Variants in CDH12 observed in about 807,000 individuals in gnomAD.
CDH12 encodes the protein cadherin 12, also known as cadherin-12.
In CDH12, 41 loss-of-function variants were observed where a neutral mutation model predicts 74.1. That is an observed-to-expected ratio of 0.55 (90% CI 0.43 to 0.72). CDH12 has a LOEUF of 0.72. Ranked by LOEUF, CDH12 falls within the 30% of genes least tolerant of loss-of-function variation. CDH12 has a pLI of 0.00. For synonymous variants in CDH12, 399 were observed against 355.0 expected, an observed-to-expected ratio of 1.12 and a Z score of -1.39; for missense variants, 945 against 977.2, an observed-to-expected ratio of 0.97 and a Z score of 0.44.
At chr5:22,373,050 G>A (rs1442695218) in intron 3 of CDH12, among the ~76,000 whole-genome samples, 1 of 152,024 alleles carries the variant, frequency 6.6e-6, no homozygotes, top group Non-Finnish European at 1.5e-5. Context: ...GAGGCCTGGG[G>A]AATACTCTGC....
intron 1 of CDH12, among the ~76,000 whole-genome samples, chr5:22,664,126 T>G (rs1740487832): frequency 6.6e-6 from 1 of 152,230 alleles, no homozygotes; most frequent in Non-Finnish European, 1.5e-5. Context: ...TCTTTTGTTT[T>G]GAATTCACAT....
chr5:22,338,949 G>A (rs776898469), intron 3 of CDH12, among the ~76,000 whole-genome samples: 1 of 152,044 alleles, frequency 6.6e-6, no homozygotes, highest in Non-Finnish European at 1.5e-5. Context: ...AAAGAACAGA[G>A]GCTTCAGTCC....
At chr5:22,199,038 T>C (rs1262950358) in intron 4 of CDH12, among the ~76,000 whole-genome samples, 1 of 152,102 alleles carries the variant, frequency 6.6e-6, no homozygotes, top group Non-Finnish European at 1.5e-5. Context: ...GAGAGGCACA[T>C]GAACTTGAAT....
At chr5:21,846,859 T>C (rs148835401) in intron 7 of CDH12, among the ~76,000 whole-genome samples, 1 of 152,284 alleles carries the variant, frequency 6.6e-6, no homozygotes, top group African/African-American at 2.4e-5. Flanking sequence ...AAAATGGTTT[T>C]TTGTAGACAG....
chr5:22,477,958 C>T (rs532348841), intron 2 of CDH12, among the ~76,000 whole-genome samples: 2 of 152,218 alleles, frequency 1.3e-5, no homozygotes, highest in African/African-American at 4.8e-5. Context: ...TGTCTCGTGG[C>T]ATTTTCTAAA....
At chr5:22,068,501 G>T (rs569490816) in intron 5 of CDH12, among the ~76,000 whole-genome samples, 2 of 152,070 alleles carry the variant, frequency 1.3e-5, no homozygotes, top group Non-Finnish European at 2.9e-5. Flanking sequence ...TTTTCATTTT[G>T]CATAGAATTA....
intron 3 of CDH12, among the ~76,000 whole-genome samples, chr5:22,233,471 T>C (rs997828232): frequency 5.9e-5 from 9 of 152,124 alleles, no homozygotes; most frequent in African/African-American, 2.2e-4. Flanking sequence ...GGTTTGCTCC[T>C]TTGTCCAGTA....
At chr5:22,624,715 T>A (rs1041795065) in intron 1 of CDH12, among the ~76,000 whole-genome samples, 1 of 152,176 alleles carries the variant, frequency 6.6e-6, no homozygotes, top group African/African-American at 2.4e-5. Flanking sequence ...GTTGGTGGGA[T>A]TGTAAACTAG....
At chr5:21,893,418 C>T (rs1352852059) in intron 6 of CDH12, among the ~76,000 whole-genome samples, 1 of 152,014 alleles carries the variant, frequency 6.6e-6, no homozygotes, top group Non-Finnish European at 1.5e-5. Context: ...AGAAAAGAAG[C>T]GGGAATTGCA....
At chr5:21,874,621 T>C (rs975827967) in intron 6 of CDH12, among the ~76,000 whole-genome samples, 1 of 152,188 alleles carries the variant, frequency 6.6e-6, no homozygotes, top group Non-Finnish European at 1.5e-5. Flanking sequence ...TTTCACTCTA[T>C]TAAATCTTGC....
At chr5:21,922,627 C>G (rs572425577) in intron 6 of CDH12, among the ~76,000 whole-genome samples, 75 of 152,234 alleles carry the variant, frequency 4.9e-4, no homozygotes, top group African/African-American at 1.8e-3. Flanking sequence ...AAGGCTCATA[C>G]AGACATACAT....
intron 1 of CDH12, among the ~76,000 whole-genome samples, chr5:22,593,578 A>T (rs1312535101): frequency 2.0e-5 from 3 of 152,152 alleles, no homozygotes; most frequent in Non-Finnish European, 4.4e-5. Context: ...AAATTACATG[A>T]CTGTATTTTA....
At chr5:22,782,222 T>C (rs1747418893) in intron 1 of CDH12, among the ~76,000 whole-genome samples, 1 of 152,112 alleles carries the variant, frequency 6.6e-6, no homozygotes, top group South Asian at 2.1e-4. Context: ...GAAAAGAACA[T>C]GAGATTTGGG....
chr5:21,889,377 A>G (rs1055524854), intron 6 of CDH12, among the ~76,000 whole-genome samples: 2 of 152,162 alleles, frequency 1.3e-5, no homozygotes, highest in Admixed American at 6.6e-5. Flanking sequence ...AATTCAGATC[A>G]GGAGGCCCCC....
chr5:21,755,978 A>T, intron 13 of CDH12, 136 bp from the exon 14 acceptor site: 3 of 803,484 alleles, frequency 3.7e-6, no homozygotes, highest in Non-Finnish European at 5.8e-6. Flanking sequence ...TTCTGTTCAC[A>T]TTATGAAAAC....
intron 4 of CDH12, among the ~76,000 whole-genome samples, chr5:22,179,558 A>G (rs1265888362): frequency 6.6e-6 from 1 of 152,202 alleles, no homozygotes; most frequent in Non-Finnish European, 1.5e-5. Context: ...AATGCAATAA[A>G]TTAAAAGATT....
chr5:22,650,023 G>A (rs934213790), intron 1 of CDH12, among the ~76,000 whole-genome samples: 2 of 152,036 alleles, frequency 1.3e-5, no homozygotes, highest in African/African-American at 4.8e-5. Context: ...TAACATAAAT[G>A]TCTAAATTAA....
intron 1 of CDH12, among the ~76,000 whole-genome samples, chr5:22,559,301 T>C (rs1239316616): frequency 6.6e-6 from 1 of 151,960 alleles, no homozygotes; most frequent in African/African-American, 2.4e-5. Context: ...TAACACTGAA[T>C]CCCTGTACAC....
intron 1 of CDH12, among the ~76,000 whole-genome samples, chr5:22,620,243 A>C (rs1737905870): frequency 6.6e-6 from 1 of 152,124 alleles, no homozygotes; most frequent in Non-Finnish European, 1.5e-5. Context: ...TAAATATTAA[A>C]TATTGAAATA....
Sources: gnomAD v4.1 joint callset for allele counts (sites outside exome capture counted in the v4.1 genomes callset) on GRCh38, gnomAD v4.1.1 for gene constraint, MANE v1.5 for transcripts, NCBI Gene and HGNC (gene_info 2026-07-23, HGNC 2026-07-21) for gene names.